DNAH17: variants seen among roughly 807,000 people sequenced by gnomAD.
DNAH17 encodes the protein dynein axonemal heavy chain 17, also known as axonemal beta dynein heavy chain 17.
DNAH17 carries 376 observed loss-of-function variants against 485.6 expected under a neutral mutation model. The ratio of observed to expected loss-of-function variants is 0.77; its 90% CI spans 0.71 to 0.84. The LOEUF (loss-of-function observed/expected upper bound fraction) is 0.84, where lower values mean the gene tolerates loss of function less well. Ranked by LOEUF, DNAH17 falls within the 40% of genes least tolerant of loss-of-function variation. The pLI, the probability that DNAH17 is intolerant of heterozygous loss-of-function variation, is 0.00. For missense variants in DNAH17, 6,370 were observed against 5,839.3 expected, an observed-to-expected ratio of 1.09 and a Z score of -2.96; for synonymous variants, 3,031 against 2,405.9, an observed-to-expected ratio of 1.26 and a Z score of -7.60.
intron 15 of DNAH17, 109 bp downstream of exon 15, chr17:78,552,588 C>A: frequency 1.5e-6 from 1 of 668,366 alleles, no homozygotes; most frequent in Non-Finnish European, 2.6e-6. Context: ...AAAGCAGATC[C>A]ACACAGCCAG....
intron 44 of DNAH17, among the ~76,000 whole-genome samples, chr17:78,489,071 C>A (rs993025291): frequency 2.6e-5 from 4 of 152,106 alleles, no homozygotes; most frequent in African/African-American, 9.7e-5. Context: ...TATAAGCAGG[C>A]AAGTGTTGCT....
rs756608914 is a variant in DNAH17 at position 78,461,664 on chromosome 17, G to C, written c.9219C>G (p.Leu3073=). 1.2e-6 allele frequency: 2 copies of C among 1,611,580 alleles called. No homozygotes were observed. The highest frequency in any genetic ancestry group is 1.1e-5 in the South Asian group (1 of 90,648). Residue 3073 remains leucine, a synonymous_variant, in exon 58 of 81, where the codon CTC becomes CTG. Coordinates refer to ENST00000389840, the MANE Select transcript of DNAH17 (RefSeq NM_173628.4). ...KAKLAIQEAE[L]KQKNESADQL... ...GGTCTGCGCTCTCATTCTTCTGCTTGAGCTCAGCCTCCTGAATCGCCAACT... is the reference window on the plus strand; with the variant it reads ...GGTCTGCGCTCTCATTCTTCTGCTTCAGCTCAGCCTCCTGAATCGCCAACT...
At position 78,486,206 on chromosome 17, in the gene DNAH17, G is replaced by GC. The variant is rs748378012; in HGVS notation, c.7101+17dup. The GC allele has an allele frequency of 6.3e-6, 10 of 1,586,070 alleles. No individual in the cohort carries two copies. The highest frequency in any genetic ancestry group is 1.7e-5 in the Admixed American group (1 of 57,818). ...TGAGAGACCCTGTGTGGGTGGCCGG[G>GC]CCCCCCAGGTGCATCACCTGGTCCT... is the stretch of plus-strand genomic sequence containing the variant. On this transcript the variant is annotated intron_variant, in intron 45 of 80. Coordinates refer to ENST00000389840, the MANE Select transcript of DNAH17 (RefSeq NM_173628.4).
intron 42 of DNAH17, 88 bp downstream of exon 42, chr17:78,492,545 G>A: frequency 1.5e-5 from 23 of 1,546,030 alleles, no homozygotes; most frequent in Non-Finnish European, 2.0e-5. Context: ...TGGGGAGGCT[G>A]GCCTTCCACG....
rs756523543 is a variant in DNAH17, at chr17:78,507,791, C to T, written c.4251G>A (p.Leu1417=). The T allele has an allele frequency of 9.5e-6, 15 of 1,571,326 alleles. No homozygotes were observed. The Admixed American group carries it at 1.4e-4, about 15-fold the overall frequency. ...ATTCCATCATGCTCCAGGTACTGTC[C>T]AGGGCTTTCAGCACCTTTTGGGGGA... is the stretch of plus-strand genomic sequence containing the variant. ...ESGMEKVLKA[L]DSTWSMMEFQ... The change falls in exon 28 of 81, where the codon CTG becomes CTA. Residue 1417 remains leucine (L), a synonymous_variant. Transcript: ENST00000389840.
chr17:78,473,772 G>T (rs1488916494), intron 54 of DNAH17, among the ~76,000 whole-genome samples: 12 of 152,170 alleles, frequency 7.9e-5, no homozygotes, highest in African/African-American at 2.9e-4. Flanking sequence ...ATGCCGTCAT[G>T]AACGTAAACC....
intron 72 of DNAH17, among the ~76,000 whole-genome samples, chr17:78,440,436 G>A (rs1444548694): frequency 6.6e-6 from 1 of 151,374 alleles, no homozygotes; most frequent in Non-Finnish European, 1.5e-5. Context: ...TTTCTTGTAT[G>A]TTTTGTAGAG....
rs777053491 is a variant in DNAH17, at chr17:78,495,953, G to A, written c.5825C>T (p.Thr1942Ile). The change falls in exon 38 of 81, where the codon ACC (threonine) becomes ATC (isoleucine). Residue 1942 changes from threonine (T) to isoleucine (I), a missense_variant. Physicochemically the swap from Thr to Ile is moderately conservative, Grantham distance 89 (BLOSUM62 -1). Coordinates refer to ENST00000389840, the MANE Select transcript of DNAH17 (RefSeq NM_173628.4). ...FLGEIIGLIP[T>I]VGIFITMNPG... ...GTTCATGGTGATGAAGATACCGACGGTGGGAATGAGGCCTATGATCTCTCC... is the reference window on the plus strand; with the variant it reads ...GTTCATGGTGATGAAGATACCGACGATGGGAATGAGGCCTATGATCTCTCC... 1 of 1,614,004 alleles carries A rather than the reference G, an allele frequency of 6.2e-7. No individual in the cohort carries two copies. The highest frequency in any genetic ancestry group is 1.1e-5 in the South Asian group (1 of 91,084).
chr17:78,436,844 CCAAACAAACAAACAAA>C (rs56360405), intron 74 of DNAH17, among the ~76,000 whole-genome samples: 77 of 150,390 alleles, frequency 5.1e-4, no homozygotes, highest in African/African-American at 1.4e-3. Flanking sequence ...GACTCCATCT[CCAAACAAACAAACAAA>C]CAAACAAACA....
At chr17:78,517,476 A>T (rs1444704508) in intron 25 of DNAH17, among the ~76,000 whole-genome samples, 1 of 152,248 alleles carries the variant, frequency 6.6e-6, no homozygotes, top group Non-Finnish European at 1.5e-5. Context: ...AATACTTGGG[A>T]AAAAGAGGCC....
intron 58 of DNAH17, among the ~76,000 whole-genome samples, chr17:78,460,580 T>G (rs2088069479): frequency 6.6e-6 from 1 of 152,220 alleles, no homozygotes; most frequent in Non-Finnish European, 1.5e-5. Context: ...TCCCTGTGTG[T>G]GTGCTTGGCC....
intron 74 of DNAH17, 150 bp from the exon 75 acceptor site, chr17:78,434,370 T>C (rs2086792232): frequency 6.3e-6 from 4 of 635,542 alleles, no homozygotes; most frequent in Admixed American, 6.8e-5. Flanking sequence ...TGCAGGTCTC[T>C]ATCAGACCCG....
At chr17:78,564,428 AG>A (rs1217616052) in intron 11 of DNAH17, among the ~76,000 whole-genome samples, 7 of 152,098 alleles carry the variant, frequency 4.6e-5, no homozygotes, top group African/African-American at 1.7e-4. Flanking sequence ...CCGTGGAGCC[AG>A]TGTTAGGGGT....
intron 57 of DNAH17, among the ~76,000 whole-genome samples, 162 bp downstream of exon 57, chr17:78,462,682 G>A (rs1043457646): frequency 1.3e-5 from 2 of 152,136 alleles, no homozygotes; most frequent in Non-Finnish European, 2.9e-5. Context: ...ACTAACTCTG[G>A]CCTAGGAGTA....
chr17:78,431,270 T>C (rs950108960), intron 75 of DNAH17, among the ~76,000 whole-genome samples: 1 of 152,240 alleles, frequency 6.6e-6, no homozygotes, highest in Non-Finnish European at 1.5e-5. Context: ...CACAACTGTT[T>C]GCGGGCTGCT....
At chr17:78,456,128 G>A (rs906724192) in intron 62 of DNAH17, among the ~76,000 whole-genome samples, 9 of 151,926 alleles carry the variant, frequency 5.9e-5, no homozygotes, top group South Asian at 2.1e-4. Flanking sequence ...GTGAAACCCC[G>A]TCTCTACTAA....
intron 80 of DNAH17, among the ~76,000 whole-genome samples, chr17:78,424,727 T>C (rs56716368): frequency 0.16 from 23,769 of 152,102 alleles, 1,982 homozygotes; most frequent in Middle Eastern, 0.2. Context: ...CCACAGGTAA[T>C]GGGGTGACGT....
In DNAH17 at chr17:78,462,867, T is replaced by C; in HGVS notation, c.9151A>G (p.Lys3051Glu). Reference sequence around the variant, plus strand: ...ACCTGGGAAGCCGTGCTCTGCAGCTTCATCAGGCCGTTCTCCAGCCTCTCG... The same window carrying C: ...ACCTGGGAAGCCGTGCTCTGCAGCTCCATCAGGCCGTTCTCCAGCCTCTCG... ...KIERLENGLMKLQSTASQVDD... is the reference protein window; with the variant it reads ...KIERLENGLMELQSTASQVDD... Residue 3051 changes from lysine (K) to glutamate (E), a missense_variant, in exon 57 of 81, where the codon AAG becomes GAG. Coordinates refer to ENST00000389840, the MANE Select transcript of DNAH17 (RefSeq NM_173628.4). 6.2e-7 allele frequency: 1 copy of C among 1,613,972 alleles called. No homozygotes were observed. Among genetic ancestry groups the C allele is most frequent in the East Asian group, 2.2e-5 (1 of 44,876 alleles).
chr17:78,427,135 T>G lies in DNAH17; in HGVS notation c.12589-27A>C. 1.3e-6 allele frequency: 2 copies of G among 1,553,918 alleles called. 1 individual carries two copies. The highest frequency in any genetic ancestry group is 1.7e-6 in the Non-Finnish European group (2 of 1,150,262). ...TGGAAGCCAGTCCCCGGACAGCCCCTGTCACTGCAAAGAGCCCACCCCACC... is the reference window on the plus strand; with the variant it reads ...TGGAAGCCAGTCCCCGGACAGCCCCGGTCACTGCAAAGAGCCCACCCCACC... On this transcript the variant is annotated intron_variant, in intron 77 of 80. Coordinates refer to ENST00000389840, the MANE Select transcript of DNAH17 (RefSeq NM_173628.4).
Sources: allele counts gnomAD v4.1 joint callset (sites outside exome capture counted in the v4.1 genomes callset), GRCh38; gene constraint gnomAD v4.1.1; transcripts MANE v1.5; gene names NCBI Gene and HGNC (gene_info 2026-07-23, HGNC 2026-07-21).